Variants in CSMD1 observed in about 807,000 individuals in gnomAD.
The protein encoded by CSMD1 is CUB and sushi domain-containing protein 1.
CSMD1 carries 213 observed loss-of-function variants against 417.5 expected under a neutral mutation model. That is an observed-to-expected ratio of 0.51 (90% CI 0.46 to 0.57). CSMD1 has a LOEUF of 0.57. Among genes scored for constraint, CSMD1 ranks in the 20% least tolerant of loss-of-function variants. CSMD1 has a pLI of 0.00. For synonymous variants in CSMD1, 2,862 were observed against 1,736.8 expected (o/e 1.65, Z -16.11); for missense variants, 6,923 against 4,529.7 (o/e 1.53, Z -15.17).
Position 3,112,640 on chromosome 8 carries a change from C to G in CSMD1, c.6431-2305G>C, listed in dbSNP as rs118165365. On this transcript the variant is annotated intron_variant, in intron 42 of 69. Transcript: ENST00000635120. ...GTGGGTTATGTACCAGTAAGGGTGC[C>G]TGGGATGGAGATGCCATAGTGAACC... Among the ~76,000 whole-genome samples, 1,079 of 152,266 alleles carry G rather than the reference C, an allele frequency of 7.1e-3. 6 individuals carry two copies. Among genetic ancestry groups the G allele is most frequent in the South Asian group, 0.02 (98 of 4,826 alleles).
At chr8:4,804,051 TA>T (rs1798452553) in intron 1 of CSMD1, among the ~76,000 whole-genome samples, 1 of 152,190 alleles carries the variant, frequency 6.6e-6, no homozygotes, top group Admixed American at 6.5e-5. Context: ...AAAACAGTAT[TA>T]GGGGTGTGTT....
intron 5 of CSMD1, among the ~76,000 whole-genome samples, chr8:3,760,636 AAG>A (rs1191945258): frequency 1.3e-5 from 2 of 152,358 alleles, no homozygotes; most frequent in Admixed American, 1.3e-4. Flanking sequence ...TTGAAAAATG[AAG>A]AGTCAATTTA....
intron 3 of CSMD1, among the ~76,000 whole-genome samples, chr8:4,093,858 G>T (rs554003720): frequency 1.3e-5 from 2 of 152,202 alleles, no homozygotes; most frequent in African/African-American, 4.8e-5. Context: ...CAATCGGGAG[G>T]CTGAGGCAGG....
At chr8:4,478,044 T>C (rs1187849855) in intron 2 of CSMD1, among the ~76,000 whole-genome samples, 1 of 152,186 alleles carries the variant, frequency 6.6e-6, no homozygotes, top group African/African-American at 2.4e-5. Context: ...TCATCTCCTC[T>C]GTAGCACTCC....
Position 3,118,602 on chromosome 8 carries a change from C to A in CSMD1, c.6242-15G>T. 7 of 1,607,758 alleles carry A rather than the reference C, an allele frequency of 4.4e-6. No individual in the cohort carries two copies. The Middle Eastern group carries it at 8.3e-4, about 191-fold the overall frequency. On this transcript the variant is annotated splice_polypyrimidine_tract_variant and intron_variant, in intron 41 of 69. Coordinates refer to ENST00000635120, the MANE Select transcript of CSMD1 (RefSeq NM_033225.6). ...TAATTCATAGGCTGAAAGAAACAAA[C>A]AGACAAAATAAAGCTTATATTTGTG...
chr8:3,688,390 G>C (rs1292415562), intron 7 of CSMD1, among the ~76,000 whole-genome samples: 2 of 152,166 alleles, frequency 1.3e-5, no homozygotes, highest in Non-Finnish European at 2.9e-5. Flanking sequence ...TTGAGAAATA[G>C]ACAGAGGTGC....
chr8:4,177,114 C>G (rs926004307), intron 3 of CSMD1, among the ~76,000 whole-genome samples: 2 of 152,190 alleles, frequency 1.3e-5, no homozygotes, highest in Non-Finnish European at 2.9e-5. Context: ...CACCCCAAAT[C>G]AACAGAATAT....
chr8:3,065,662 G>T (rs1812894476), intron 49 of CSMD1, among the ~76,000 whole-genome samples: 1 of 152,170 alleles, frequency 6.6e-6, no homozygotes, highest in South Asian at 2.1e-4. Flanking sequence ...CAGATTGATT[G>T]ATCAATCGCT....
chr8:3,417,393 C>G (rs1261574690), intron 12 of CSMD1, among the ~76,000 whole-genome samples: 2 of 152,150 alleles, frequency 1.3e-5, no homozygotes, highest in Non-Finnish European at 2.9e-5. Flanking sequence ...GACCAAAACT[C>G]TTATTGCCTG....
intron 3 of CSMD1, among the ~76,000 whole-genome samples, chr8:4,170,065 G>C (rs1163852410): frequency 6.6e-6 from 1 of 151,802 alleles, no homozygotes; most frequent in African/African-American, 2.4e-5. Flanking sequence ...CTCTAGGTAA[G>C]GAATTGTGGG....
chr8:4,506,332 C>A (rs748672947), intron 2 of CSMD1, among the ~76,000 whole-genome samples: 13 of 152,076 alleles, frequency 8.5e-5, no homozygotes, highest in Non-Finnish European at 1.5e-4. Context: ...CTGAAACCCA[C>A]GGTGGGTTAG....
At chr8:4,128,414 T>G (rs971613449) in intron 3 of CSMD1, among the ~76,000 whole-genome samples, 1 of 152,190 alleles carries the variant, frequency 6.6e-6, no homozygotes, top group Admixed American at 6.5e-5. Context: ...CTGTGATGAC[T>G]CTATTGGGAA....
intron 1 of CSMD1, among the ~76,000 whole-genome samples, chr8:4,741,424 A>C (rs545948533): frequency 9.1e-4 from 139 of 152,322 alleles, no homozygotes; most frequent in African/African-American, 3.2e-3. Context: ...ACCAGGAAAT[A>C]ACTGTTTTTA....
At chr8:4,405,895 C>G (rs1347211650) in intron 3 of CSMD1, among the ~76,000 whole-genome samples, 1 of 152,148 alleles carries the variant, frequency 6.6e-6, no homozygotes, top group Non-Finnish European at 1.5e-5. Context: ...TTTGGTCAAT[C>G]CTAATATTTG....
intron 2 of CSMD1, among the ~76,000 whole-genome samples, chr8:4,451,151 GA>G (rs1363218290): frequency 2.0e-5 from 3 of 150,818 alleles, no homozygotes; most frequent in African/African-American, 7.3e-5. Flanking sequence ...AACACAGTAA[GA>G]CCCTGTCTCT....
At chr8:4,471,274 T>C (rs1299787450) in intron 2 of CSMD1, among the ~76,000 whole-genome samples, 1 of 152,070 alleles carries the variant, frequency 6.6e-6, no homozygotes, top group African/African-American at 2.4e-5. Flanking sequence ...TCAGGAACAA[T>C]AAATTTCACA....
At chr8:3,557,472 GA>G (rs1367238389) in intron 10 of CSMD1, among the ~76,000 whole-genome samples, 1 of 152,114 alleles carries the variant, frequency 6.6e-6, no homozygotes, top group Non-Finnish European at 1.5e-5. Flanking sequence ...AGGCTTCCTT[GA>G]AAAGATAATT....
chr8:3,156,214 T>A (rs78060104), intron 39 of CSMD1, among the ~76,000 whole-genome samples: 2,788 of 152,296 alleles, frequency 0.018, 104 homozygotes, highest in African/African-American at 0.064. Context: ...CAGTATGGCA[T>A]GTTTGAGGCT....
At chr8:4,711,419 T>C (rs557474995) in intron 1 of CSMD1, among the ~76,000 whole-genome samples, 61 of 152,286 alleles carry the variant, frequency 4.0e-4, no homozygotes, top group African/African-American at 1.4e-3. Context: ...AGAAGACAAA[T>C]TGTTTAGTAA....
Sources: allele counts gnomAD v4.1 joint callset (sites outside exome capture counted in the v4.1 genomes callset), GRCh38; gene constraint gnomAD v4.1.1; transcripts MANE v1.5; gene names NCBI Gene and HGNC (gene_info 2026-07-23, HGNC 2026-07-21).